RBFOX1: variants seen among roughly 807,000 people sequenced by gnomAD.
RBFOX1 encodes RNA binding fox-1 homolog 1, also known as RNA binding protein fox-1 homolog 1.
In RBFOX1, 8 loss-of-function variants were observed where a neutral mutation model predicts 57.7. That is an observed-to-expected ratio of 0.14 (90% CI 0.08 to 0.25). The LOEUF (loss-of-function observed/expected upper bound fraction) is 0.25. Among genes scored for constraint, RBFOX1 ranks in the 10% least tolerant of loss-of-function variants. RBFOX1 has a pLI of 1.00. For missense variants in RBFOX1, 611 were observed against 548.5 expected, an observed-to-expected ratio of 1.11 and a Z score of -1.14; for synonymous variants, 326 against 222.4, an observed-to-expected ratio of 1.47 and a Z score of -4.15.
In RBFOX1 at chr16:7,708,841, T is replaced by A. The variant is rs184423051; in HGVS notation, c.996-215T>A. Among the ~76,000 whole-genome samples the A allele has an allele frequency of 2.3e-3, 349 of 152,328 alleles. 3 individuals carry two copies. Among genetic ancestry groups the A allele is most frequent in the African/African-American group, 8.0e-3 (332 of 41,572 alleles). On this transcript the variant is annotated intron_variant, in intron 14 of 15. Transcript: ENST00000550418. ...AAGTACGTGTGTATATATGTATTTA[T>A]CTGTCAAACATAGCAATAGCAACCA...
rs933261823 is a variant in RBFOX1, at chr16:7,347,499, G to A, written c.28-170648G>A. Among the ~76,000 whole-genome samples, 32 of 152,148 alleles carry A rather than the reference G, an allele frequency of 2.1e-4. 1 individual carries two copies. The highest frequency in any genetic ancestry group is 3.1e-4 in the Non-Finnish European group (21 of 68,026). ...TCCCACCAGGTTCCTGTCATGACAC[G>A]TGGGAATCGTGGGAGATACAATTCA... On this transcript the variant is annotated intron_variant, in intron 4 of 15. Coordinates refer to ENST00000550418, the MANE Select transcript of RBFOX1 (RefSeq NM_018723.4).
At chr16:7,595,527 C>T in intron 7 of RBFOX1, 22 bp from the exon 8 acceptor site, 25 of 1,526,388 alleles carry the variant, frequency 1.6e-5, no homozygotes, top group Non-Finnish European at 2.2e-5. Context: ...ATGTTGTTTT[C>T]CCTTCTCCCT....
intron 4 of RBFOX1, among the ~76,000 whole-genome samples, chr16:7,229,591 G>GGA (rs2093358357): frequency 7.7e-6 from 1 of 129,478 alleles, no homozygotes; most frequent in African/African-American, 3.6e-5. Context: ...AAGGGAGAGA[G>GGA]AGGAAGGAAG....
At chr16:7,640,738 G>A (rs1348923944) in intron 11 of RBFOX1, among the ~76,000 whole-genome samples, 1 of 152,086 alleles carries the variant, frequency 6.6e-6, no homozygotes, top group Non-Finnish European at 1.5e-5. Context: ...GGATCAACTG[G>A]CTAGTGCAGC....
chr16:5,994,708 T>G (rs2060462571), intron 4 of RBFOX1, among the ~76,000 whole-genome samples: 1 of 152,164 alleles, frequency 6.6e-6, no homozygotes, highest in African/African-American at 2.4e-5. Context: ...AAAACTTTAT[T>G]TGAGAAATCA....
intron 2 of RBFOX1, among the ~76,000 whole-genome samples, chr16:6,451,980 CTCTATCCATGGT>C (rs2094637279): frequency 6.7e-6 from 1 of 149,294 alleles, no homozygotes; most frequent in Non-Finnish European, 1.5e-5. Context: ...CCTTCCATGA[CTCTATCCATGGT>C]TCCATCCATG....
chr16:7,009,190 C>T (rs1287092933), intron 3 of RBFOX1, among the ~76,000 whole-genome samples: 3 of 118,650 alleles, frequency 2.5e-5, no homozygotes, highest in Non-Finnish European at 3.5e-5. Flanking sequence ...CTTTCTCTTT[C>T]TCTCTTCCTT....
chr16:6,284,541 C>G (rs547509353), intron 1 of RBFOX1, among the ~76,000 whole-genome samples: 142 of 152,096 alleles, frequency 9.3e-4, no homozygotes, highest in Non-Finnish European at 1.6e-3. Flanking sequence ...ATTTTTATCA[C>G]CTGTTTGCCT....
At chr16:6,577,457 C>G (rs1410581868) in intron 2 of RBFOX1, 1 of 152,182 alleles carries the variant, frequency 6.6e-6, no homozygotes, top group Admixed American at 6.5e-5. Flanking sequence ...TTCCAACTCT[C>G]CAGTTTGTAT....
At chr16:5,506,037 T>A (rs1475477052) in intron 2 of RBFOX1, among the ~76,000 whole-genome samples, 1 of 152,170 alleles carries the variant, frequency 6.6e-6, no homozygotes, top group Admixed American at 6.5e-5. Flanking sequence ...AGGGTATCTC[T>A]CAGAGTCCTA....
intron 3 of RBFOX1, among the ~76,000 whole-genome samples, chr16:6,893,408 C>G (rs904723811): frequency 6.6e-6 from 1 of 152,156 alleles, no homozygotes; most frequent in Admixed American, 6.5e-5. Context: ...CTGTACCATG[C>G]CTTTACAGAA....
At chr16:6,121,059 A>C (rs1404217425) in intron 1 of RBFOX1, among the ~76,000 whole-genome samples, 2 of 152,168 alleles carry the variant, frequency 1.3e-5, no homozygotes, top group Non-Finnish European at 2.9e-5. Context: ...TGTGTGTCCT[A>C]ATATTACAAT....
At chr16:7,094,609 C>CT (rs2061383016) in intron 4 of RBFOX1, among the ~76,000 whole-genome samples, 1 of 148,148 alleles carries the variant, frequency 6.8e-6, no homozygotes. Context: ...GACTTGGGGA[C>CT]TCCTGCATTT....
chr16:6,674,668 A>T (rs1274604836), intron 3 of RBFOX1, among the ~76,000 whole-genome samples: 1 of 152,062 alleles, frequency 6.6e-6, no homozygotes, highest in East Asian at 1.9e-4. Flanking sequence ...ACGAATGTAG[A>T]CTCACGGGGA....
intron 3 of RBFOX1, among the ~76,000 whole-genome samples, chr16:5,867,150 A>ATG (rs113977862): frequency 0.084 from 12,539 of 149,182 alleles, 744 homozygotes; most frequent in African/African-American, 0.18. Context: ...AAGAAAATGC[A>ATG]TGTGTGTGTG....
chr16:6,988,922 C>T (rs1477619991), intron 3 of RBFOX1, among the ~76,000 whole-genome samples: 1 of 152,210 alleles, frequency 6.6e-6, no homozygotes, highest in South Asian at 2.1e-4. Context: ...CAGGCGCCCA[C>T]TACCATGCCT....
At chr16:7,591,570 C>A (rs932285515) in intron 7 of RBFOX1, among the ~76,000 whole-genome samples, 3 of 152,088 alleles carry the variant, frequency 2.0e-5, no homozygotes, top group Admixed American at 1.3e-4. Flanking sequence ...CTTAAGGTCC[C>A]CGTTATCTGC....
chr16:6,442,903 T>A (rs759994674), intron 2 of RBFOX1, among the ~76,000 whole-genome samples: 2 of 152,214 alleles, frequency 1.3e-5, no homozygotes, highest in Admixed American at 6.5e-5. Context: ...GTGTTTGCCA[T>A]GCGAAAGTAA....
intron 4 of RBFOX1, among the ~76,000 whole-genome samples, chr16:7,290,569 A>G (rs2095749592): frequency 6.6e-6 from 1 of 152,248 alleles, no homozygotes; most frequent in Non-Finnish European, 1.5e-5. Flanking sequence ...GAATCTCAGA[A>G]ACATGAAAAT....
Sources: allele counts gnomAD v4.1 joint callset (sites outside exome capture counted in the v4.1 genomes callset), GRCh38; gene constraint gnomAD v4.1.1; transcripts MANE v1.5; gene names NCBI Gene and HGNC (gene_info 2026-07-23, HGNC 2026-07-21).